Variants in SLC26A7 observed in about 807,000 individuals in gnomAD.
SLC26A7 encodes the protein anion exchange transporter.
SLC26A7 carries 59 observed loss-of-function variants against 82.5 expected under a neutral mutation model. That is an observed-to-expected ratio of 0.72 (90% confidence interval 0.58 to 0.89). The LOEUF is 0.89. SLC26A7 is among the 40% of genes least tolerant of loss of function. The pLI is 0.00. For missense variants in SLC26A7, 820 were observed against 793.0 expected, an observed-to-expected ratio of 1.03 and a Z score of -0.41; for synonymous variants, 271 against 274.3, an observed-to-expected ratio of 0.99 and a Z score of 0.12.
chr8:91,214,761 T>C (rs890903453), intron 1 of SLC26A7, among the ~76,000 whole-genome samples: 6 of 152,130 alleles, frequency 3.9e-5, no homozygotes, highest in East Asian at 1.9e-4. Context: ...TAGTTTTCCA[T>C]TGAAGCTGTT....
At chr8:91,269,099 T>A (rs1811196211) in intron 2 of SLC26A7, among the ~76,000 whole-genome samples, 1 of 152,102 alleles carries the variant, frequency 6.6e-6, no homozygotes, top group Admixed American at 6.5e-5. Flanking sequence ...TTAGTTTTCA[T>A]ACTAAAGATA....
intron 2 of SLC26A7, among the ~76,000 whole-genome samples, chr8:91,279,737 T>C (rs979808016): frequency 2.0e-5 from 3 of 152,102 alleles, no homozygotes; most frequent in Admixed American, 6.6e-5. Context: ...TTTTTTGTAT[T>C]TTTAGTAGAG....
In SLC26A7 at chr8:91,367,168, C is replaced by T. The variant is rs112310228; in HGVS notation, c.1626+451C>T. 2.4e-3 allele frequency among the ~76,000 whole-genome samples: 372 copies of T among 152,108 alleles called. 5 individuals are homozygous for T. Among genetic ancestry groups the T allele is most frequent in the African/African-American group, 8.4e-3 (348 of 41,496 alleles). On this transcript the variant is annotated intron_variant, in intron 14 of 18. Coordinates refer to ENST00000276609, the MANE Select transcript of SLC26A7 (RefSeq NM_052832.4). ...GACCACAGGTACCCGCCACCACGCTCGGCTAATTTGTTTGTATTTTTAGTG... is the reference window on the plus strand; with the variant it reads ...GACCACAGGTACCCGCCACCACGCTTGGCTAATTTGTTTGTATTTTTAGTG...
intron 2 of SLC26A7, among the ~76,000 whole-genome samples, chr8:91,240,691 A>G (rs1810461999): frequency 2.0e-5 from 3 of 152,176 alleles, no homozygotes; most frequent in South Asian, 4.1e-4. Context: ...ACAAGTCATT[A>G]GTGGTAGCCT....
intron 13 of SLC26A7, among the ~76,000 whole-genome samples, chr8:91,364,498 G>T (rs1237209466): frequency 6.6e-6 from 1 of 152,104 alleles, no homozygotes; most frequent in Non-Finnish European, 1.5e-5. Context: ...GGGTGTTCTA[G>T]GCTCAAGTTT....
At chr8:91,264,567 C>A (rs1262368847) in intron 2 of SLC26A7, among the ~76,000 whole-genome samples, 1 of 151,992 alleles carries the variant, frequency 6.6e-6, no homozygotes, top group African/African-American at 2.4e-5. Flanking sequence ...TCCAGTCTCT[C>A]CCCAGTCCTC....
chr8:91,261,349 G>A (rs1031872874), intron 2 of SLC26A7, among the ~76,000 whole-genome samples: 1 of 152,056 alleles, frequency 6.6e-6, no homozygotes, highest in East Asian at 1.9e-4. Flanking sequence ...ATGAGAATAT[G>A]ATCTTGTTAT....
chr8:91,216,498 T>G (rs894441914), intron 1 of SLC26A7, among the ~76,000 whole-genome samples: 1 of 152,182 alleles, frequency 6.6e-6, no homozygotes, highest in African/African-American at 2.4e-5. Context: ...TTGGCTCTAT[T>G]AATTGTTCAG....
At chr8:91,248,733 A>G (rs1265483348), upstream of SLC26A7, among the ~76,000 whole-genome samples, 1 of 152,204 alleles carries the variant, frequency 6.6e-6, no homozygotes, top group African/African-American at 2.4e-5. Context: ...AGTTTGAACC[A>G]TATAACATTC....
chr8:91,269,800 A>G (rs1323058329), intron 2 of SLC26A7, among the ~76,000 whole-genome samples: 1 of 150,462 alleles, frequency 6.6e-6, no homozygotes, highest in African/African-American at 2.4e-5. Context: ...TTCTCTTTTG[A>G]TTGGGTGATT....
At chr8:91,321,356 T>C (rs1812784919) in intron 5 of SLC26A7, among the ~76,000 whole-genome samples, 1 of 152,212 alleles carries the variant, frequency 6.6e-6, no homozygotes, top group Non-Finnish European at 1.5e-5. Flanking sequence ...TGCCTTCCCC[T>C]TTTCTACTTC....
chr8:91,365,564 A>C (rs1333236458), intron 13 of SLC26A7, among the ~76,000 whole-genome samples: 3 of 152,130 alleles, frequency 2.0e-5, no homozygotes, highest in African/African-American at 7.2e-5. Context: ...TGGCAACTTA[A>C]GGTTTGTTTG....
chr8:91,306,943 A>C (rs1812325489), intron 4 of SLC26A7, among the ~76,000 whole-genome samples: 2 of 150,338 alleles, frequency 1.3e-5, no homozygotes, highest in South Asian at 4.2e-4. Flanking sequence ...AACTCAAACA[A>C]ATTTACAAGA....
chr8:91,287,657 C>G (rs1444544639), intron 2 of SLC26A7, among the ~76,000 whole-genome samples: 1 of 152,174 alleles, frequency 6.6e-6, no homozygotes, highest in Non-Finnish European at 1.5e-5. Context: ...ATTTCTGTCT[C>G]TTAATAGATA....
intron 2 of SLC26A7, among the ~76,000 whole-genome samples, chr8:91,221,639 A>G (rs1586301694): frequency 6.6e-6 from 1 of 151,906 alleles, no homozygotes; most frequent in Non-Finnish European, 1.5e-5. Flanking sequence ...ATCTTGCCCC[A>G]TTGCTTGTTT....
intron 4 of SLC26A7, among the ~76,000 whole-genome samples, chr8:91,310,479 A>T (rs972706179): frequency 1.3e-5 from 2 of 152,106 alleles, no homozygotes; most frequent in African/African-American, 4.8e-5. Context: ...CTCACTGAGG[A>T]TCTGGAGCTT....
At chr8:91,319,564 A>G (rs2130810164) in intron 5 of SLC26A7, among the ~76,000 whole-genome samples, 1 of 152,368 alleles carries the variant, frequency 6.6e-6, no homozygotes, top group Non-Finnish European at 1.5e-5. Flanking sequence ...ATTAACACTG[A>G]AACAAGAACA....
At chr8:91,261,998 T>C (rs1308952672) in intron 2 of SLC26A7, among the ~76,000 whole-genome samples, 18 of 152,160 alleles carry the variant, frequency 1.2e-4, no homozygotes, top group Non-Finnish European at 1.5e-5. Flanking sequence ...GGACGTGAAC[T>C]CCTCCTACCA....
chr8:91,253,427 CT>C (rs1310295394), intron 2 of SLC26A7, among the ~76,000 whole-genome samples: 1 of 152,062 alleles, frequency 6.6e-6, no homozygotes, highest in Non-Finnish European at 1.5e-5. Flanking sequence ...GTAATTCTGT[CT>C]GAACTATTGA....
Sources: allele counts gnomAD v4.1 joint callset (sites outside exome capture counted in the v4.1 genomes callset), GRCh38; gene constraint gnomAD v4.1.1; transcripts MANE v1.5; gene names NCBI Gene and HGNC (gene_info 2026-07-23, HGNC 2026-07-21).